DIS3L2: variants seen among roughly 807,000 people sequenced by gnomAD.
The protein encoded by DIS3L2 is DIS3-like exonuclease 2.
In DIS3L2, 34 loss-of-function variants were observed where a neutral mutation model predicts 97.5. The observed-to-expected ratio is 0.35, with a 90% CI of 0.27 to 0.46. The LOEUF (loss-of-function observed/expected upper bound fraction) is 0.46. DIS3L2 is among the 20% of genes least tolerant of loss of function. The pLI is 1.00. For synonymous variants in DIS3L2, 435 were observed against 445.2 expected (o/e 0.98, Z 0.29); for missense variants, 1,038 against 1,146.0 (o/e 0.91, Z 1.36).
chr2:232,094,718 C>CAAAAAAAAAA (rs59253625), intron 6 of DIS3L2, among the ~76,000 whole-genome samples: 1 of 111,456 alleles, frequency 9.0e-6, no homozygotes, highest in Non-Finnish European at 1.8e-5. Flanking sequence ...GACTCCATCT[C>CAAAAAAAAAA]AAAAAAAAAA....
intron 10 of DIS3L2, among the ~76,000 whole-genome samples, chr2:232,229,535 C>T (rs1294472622): frequency 2.6e-5 from 4 of 152,248 alleles, no homozygotes; most frequent in African/African-American, 7.2e-5. Flanking sequence ...AATTCCCAGA[C>T]GTTGAGTGCG....
intron 6 of DIS3L2, among the ~76,000 whole-genome samples, chr2:232,091,580 A>C (rs895868053): frequency 6.6e-6 from 1 of 152,092 alleles, no homozygotes; most frequent in African/African-American, 2.4e-5. Flanking sequence ...GTTGTTTCCA[A>C]ATCTTGGTTA....
intron 1 of DIS3L2, among the ~76,000 whole-genome samples, chr2:231,963,814 G>A (rs901341699): frequency 1.3e-5 from 2 of 152,142 alleles, no homozygotes; most frequent in Non-Finnish European, 2.9e-5. Flanking sequence ...GATTTCCCAG[G>A]CTCAAGTGAT....
At chr2:232,210,497 A>G (rs1692159730) in intron 10 of DIS3L2, 92 bp downstream of exon 10, 2 of 1,204,846 alleles carry the variant, frequency 1.7e-6, no homozygotes, top group Non-Finnish European at 2.5e-6. Flanking sequence ...TAGGCAGCAT[A>G]CTGTGCAAGG....
At chr2:232,316,774 GTTC>G (rs1695287762) in intron 14 of DIS3L2, among the ~76,000 whole-genome samples, 1 of 152,310 alleles carries the variant, frequency 6.6e-6, no homozygotes, top group African/African-American at 2.4e-5. Context: ...TTATTGAATT[GTTC>G]TTCTTTAGTT....
chr2:232,161,052 G>T (rs1248469953), intron 8 of DIS3L2, among the ~76,000 whole-genome samples: 2 of 152,044 alleles, frequency 1.3e-5, no homozygotes, highest in Non-Finnish European at 2.9e-5. Flanking sequence ...AGAGTAGCTG[G>T]GACTGCGGGC....
chr2:232,192,023 G>A (rs116420011), intron 9 of DIS3L2, among the ~76,000 whole-genome samples: 2,461 of 152,178 alleles, frequency 0.016, 43 homozygotes, highest in Non-Finnish European at 0.024. Context: ...TTATATACCA[G>A]GGGTCACACT....
intron 13 of DIS3L2, among the ~76,000 whole-genome samples, chr2:232,273,322 T>C (rs1453176935): frequency 2.0e-5 from 3 of 152,194 alleles, no homozygotes; most frequent in African/African-American, 7.2e-5. Context: ...TGTCCACCTT[T>C]GTATCCCCAG....
At chr2:232,267,690 C>T (rs754530366) in intron 13 of DIS3L2, among the ~76,000 whole-genome samples, 2 of 152,194 alleles carry the variant, frequency 1.3e-5, no homozygotes, top group South Asian at 4.1e-4. Flanking sequence ...AGTTTGCTCT[C>T]TGCCTGGTTC....
At chr2:232,308,777 GC>G (rs1227224362) in intron 14 of DIS3L2, among the ~76,000 whole-genome samples, 2 of 152,138 alleles carry the variant, frequency 1.3e-5, no homozygotes, top group East Asian at 3.9e-4. Flanking sequence ...TTCCCAACAT[GC>G]CCCCTGCCCG....
chr2:232,323,282 G>A (rs909076087), intron 14 of DIS3L2, among the ~76,000 whole-genome samples: 20 of 152,236 alleles, frequency 1.3e-4, no homozygotes, highest in African/African-American at 4.3e-4. Flanking sequence ...CTTGGGGAGC[G>A]AATGAGGCTT....
chr2:232,270,611 G>A lies in DIS3L2; in HGVS notation c.1659+7171G>A, dbSNP rs140934415. On this transcript the variant is annotated intron_variant, in intron 13 of 20. Coordinates refer to ENST00000325385, the MANE Select transcript of DIS3L2 (RefSeq NM_152383.5). ...TAGTACCATGGCCATGGCCATCTGT[G>A]TTCGTAAATCTTTGACCTGATCTCT... Among the ~76,000 whole-genome samples the A allele has an allele frequency of 7.0e-3, 1,070 of 152,286 alleles. 6 individuals carry two copies. The highest frequency in any genetic ancestry group is 0.017 in the South Asian group (83 of 4,818).
intron 5 of DIS3L2, among the ~76,000 whole-genome samples, chr2:232,086,175 ACG>A (rs1696579648): frequency 6.8e-6 from 1 of 147,652 alleles, no homozygotes; most frequent in African/African-American, 2.6e-5. Flanking sequence ...ATACGTATAT[ACG>A]TATATATACA....
At chr2:232,079,356 G>A (rs1696314903) in intron 5 of DIS3L2, among the ~76,000 whole-genome samples, 1 of 152,054 alleles carries the variant, frequency 6.6e-6, no homozygotes, top group Non-Finnish European at 1.5e-5. Flanking sequence ...CAGCACTTTG[G>A]GAGGCTGAGG....
intron 6 of DIS3L2, among the ~76,000 whole-genome samples, chr2:232,095,484 T>G (rs964909614): frequency 1.3e-5 from 2 of 152,200 alleles, no homozygotes; most frequent in Non-Finnish European, 2.9e-5. Flanking sequence ...AAGTTTCTGT[T>G]GCTTTTATTC....
intron 5 of DIS3L2, among the ~76,000 whole-genome samples, chr2:232,050,079 G>C (rs1695356593): frequency 6.6e-6 from 1 of 152,110 alleles, no homozygotes; most frequent in Non-Finnish European, 1.5e-5. Flanking sequence ...GGTTGTCACT[G>C]ATTTCCTACC....
At chr2:232,315,396 C>A (rs1478108683) in intron 14 of DIS3L2, among the ~76,000 whole-genome samples, 1 of 152,218 alleles carries the variant, frequency 6.6e-6, no homozygotes, top group Non-Finnish European at 1.5e-5. Flanking sequence ...CATAGGACTG[C>A]ATGTTGGGTT....
At chr2:232,128,517 C>T (rs1053219546) in intron 6 of DIS3L2, among the ~76,000 whole-genome samples, 1 of 117,916 alleles carries the variant, frequency 8.5e-6, no homozygotes, top group Non-Finnish European at 1.6e-5. Flanking sequence ...TGCAGTGGTG[C>T]AATCTTGGCT....
intron 15 of DIS3L2, 93 bp downstream of exon 15, chr2:232,330,089 C>G (rs1215006216): frequency 1.4e-6 from 2 of 1,425,264 alleles, no homozygotes; most frequent in East Asian, 4.8e-5. Context: ...TCTGCTTCCC[C>G]CCAGAGTCCC....
Sources: gnomAD v4.1 joint callset for allele counts (sites outside exome capture counted in the v4.1 genomes callset) on GRCh38, gnomAD v4.1.1 for gene constraint, MANE v1.5 for transcripts, NCBI Gene and HGNC (gene_info 2026-07-23, HGNC 2026-07-21) for gene names.